Variants in SCN8A observed in about 807,000 individuals in gnomAD.
SCN8A encodes the protein sodium voltage-gated channel alpha subunit 8.
In SCN8A, 30 loss-of-function variants were observed where a neutral mutation model predicts 184.1. That is an observed-to-expected ratio of 0.16 (90% CI 0.12 to 0.22). The LOEUF (loss-of-function observed/expected upper bound fraction) is 0.22, where lower values mean the gene tolerates loss of function less well. Among genes scored for constraint, SCN8A ranks in the 10% least tolerant of loss-of-function variants. The pLI is 1.00. For missense variants in SCN8A, 1,057 were observed against 2,498.9 expected, an observed-to-expected ratio of 0.42 and a Z score of 12.30; for synonymous variants, 852 against 907.0, an observed-to-expected ratio of 0.94 and a Z score of 1.09.
intron 1 of SCN8A, among the ~76,000 whole-genome samples, chr12:51,610,562 T>C (rs147829454): frequency 0.011 from 1,652 of 152,352 alleles, 14 homozygotes; most frequent in Non-Finnish European, 0.016. Context: ...AGAGCTCGTT[T>C]TAGCAGTTCT....
intron 1 of SCN8A, among the ~76,000 whole-genome samples, chr12:51,652,968 C>CT (rs961427104): frequency 1.4e-4 from 21 of 152,226 alleles, no homozygotes; most frequent in African/African-American, 5.1e-4. Flanking sequence ...TTTTTTCTCT[C>CT]TTTTAAAAAA....
chr12:51,659,094 A>G (rs1209029860), intron 1 of SCN8A, among the ~76,000 whole-genome samples: 1 of 152,240 alleles, frequency 6.6e-6, no homozygotes, highest in Non-Finnish European at 1.5e-5. Flanking sequence ...TTAGATGCCC[A>G]TCAAGGTAGA....
At chr12:51,805,047 G>T (rs1938661146) in intron 26 of SCN8A, among the ~76,000 whole-genome samples, 1 of 152,144 alleles carries the variant, frequency 6.6e-6, no homozygotes, top group African/African-American at 2.4e-5. Flanking sequence ...ATGGAAATTT[G>T]ATTCCATTGT....
intron 6 of SCN8A, chr12:51,689,367 T>G (rs1258860047): frequency 1.0e-5 from 4 of 391,772 alleles, no homozygotes; most frequent in Non-Finnish European, 1.8e-5. Flanking sequence ...GAAAAAATTG[T>G]CACAGAGCTA....
At chr12:51,748,304 G>A (rs184224765) in intron 13 of SCN8A, among the ~76,000 whole-genome samples, 10 of 152,236 alleles carry the variant, frequency 6.6e-5, no homozygotes, top group African/African-American at 1.9e-4. Context: ...GGCAGGCTAC[G>A]ACTTACCTAA....
intron 12 of SCN8A, among the ~76,000 whole-genome samples, chr12:51,737,397 CAATT>C (rs942789899): frequency 3.9e-5 from 6 of 152,176 alleles, no homozygotes; most frequent in African/African-American, 1.2e-4. Flanking sequence ...ACTTGCTTCT[CAATT>C]AGTTGTAACT....
At chr12:51,664,373 A>G (rs200847460) in intron 2 of SCN8A, among the ~76,000 whole-genome samples, 1 of 127,776 alleles carries the variant, frequency 7.8e-6, no homozygotes, top group African/African-American at 2.9e-5. Flanking sequence ...ACACTCAGCT[A>G]ATTTTTGTAT....
chr12:51,608,380 T>A lies in SCN8A; in HGVS notation c.-55+17021T>A, dbSNP rs567653549. Among the ~76,000 whole-genome samples the A allele has an allele frequency of 5.3e-5, 8 of 152,270 alleles. No individual in the cohort carries two copies. The East Asian group carries it at 1.3e-3, about 26-fold the overall frequency. ...TCCTTCTGGTCCTGGACTTTTTTTT[T>A]ATTGGTAATTTTTAAATTACTGTTT... On this transcript the variant is annotated intron_variant, in intron 1 of 26. Coordinates refer to ENST00000627620, the MANE Select transcript of SCN8A (RefSeq NM_001330260.2).
At chr12:51,789,964 C>T (rs1938194421) in intron 24 of SCN8A, among the ~76,000 whole-genome samples, 1 of 152,220 alleles carries the variant, frequency 6.6e-6, no homozygotes, top group African/African-American at 2.4e-5. Flanking sequence ...TGCTTTCTTG[C>T]ACCAGAATTT....
intron 1 of SCN8A, among the ~76,000 whole-genome samples, chr12:51,640,136 A>G (rs1940416111): frequency 7.6e-6 from 1 of 131,926 alleles, no homozygotes; most frequent in Non-Finnish European, 1.6e-5. Flanking sequence ...GTCTTAAACT[A>G]TTGGCCTCAG....
intron 1 of SCN8A, among the ~76,000 whole-genome samples, chr12:51,601,286 T>C (rs1232307357): frequency 6.6e-6 from 1 of 152,186 alleles, no homozygotes; most frequent in Non-Finnish European, 1.5e-5. Flanking sequence ...TCTTTTTGTT[T>C]GTAGTATTTC....
chr12:51,729,015 G>A (rs1942198899), intron 12 of SCN8A, among the ~76,000 whole-genome samples: 1 of 152,156 alleles, frequency 6.6e-6, no homozygotes, highest in Non-Finnish European at 1.5e-5. Flanking sequence ...AACACAAATG[G>A]CAGTTATGGT....
intron 12 of SCN8A, among the ~76,000 whole-genome samples, chr12:51,729,021 A>G (rs1387557077): frequency 6.6e-6 from 1 of 152,214 alleles, no homozygotes; most frequent in Non-Finnish European, 1.5e-5. Flanking sequence ...AATGGCAGTT[A>G]TGGTGGCGGA....
At chr12:51,651,575 G>C (rs1940715402) in intron 1 of SCN8A, among the ~76,000 whole-genome samples, 1 of 152,190 alleles carries the variant, frequency 6.6e-6, no homozygotes, top group Admixed American at 6.5e-5. Context: ...AAAACCATCA[G>C]ATCTCAGGAG....
intron 1 of SCN8A, among the ~76,000 whole-genome samples, chr12:51,613,912 T>A (rs967585577): frequency 7.9e-5 from 12 of 152,152 alleles, no homozygotes; most frequent in Admixed American, 7.9e-4. Context: ...TTAGAGAGCA[T>A]ACTTTGTATT....
chr12:51,612,699 TCTC>T (rs1438410573), intron 1 of SCN8A, among the ~76,000 whole-genome samples: 1 of 152,166 alleles, frequency 6.6e-6, no homozygotes, highest in Non-Finnish European at 1.5e-5. Context: ...GGTGATGTAT[TCTC>T]CTATATTGTT....
At chr12:51,609,039 G>A (rs1939659784) in intron 1 of SCN8A, among the ~76,000 whole-genome samples, 1 of 152,192 alleles carries the variant, frequency 6.6e-6, no homozygotes, top group African/African-American at 2.4e-5. Context: ...TATTTGCATG[G>A]TTTTGAAGGT....
chr12:51,699,498 G>C (rs1941647484), intron 6 of SCN8A, 72 bp from the exon 7 acceptor site: 1 of 1,166,336 alleles, frequency 8.6e-7, no homozygotes, highest in South Asian at 1.5e-5. Context: ...GCAGCCAGTG[G>C]CTAAGAGGGA....
intron 1 of SCN8A, among the ~76,000 whole-genome samples, chr12:51,617,382 T>A (rs111962465): frequency 0.011 from 1,701 of 152,310 alleles, 31 homozygotes; most frequent in African/African-American, 0.039. Context: ...TCTATTATAC[T>A]ATTGAGCCCA....
Sources: gnomAD v4.1 joint callset for allele counts (sites outside exome capture counted in the v4.1 genomes callset) on GRCh38, gnomAD v4.1.1 for gene constraint, MANE v1.5 for transcripts, NCBI Gene and HGNC (gene_info 2026-07-23, HGNC 2026-07-21) for gene names.